The following DENND5B variants were observed in gnomAD, a reference collection of about 807,000 sequenced individuals.
DENND5B encodes the protein DENN domain containing 5B, also known as DENN domain-containing protein 5B.
Under a neutral mutation model 140.6 loss-of-function variants are expected in DENND5B, and 34 were observed. The observed-to-expected ratio is 0.24, with a 90% CI of 0.18 to 0.32. The LOEUF (loss-of-function observed/expected upper bound fraction) is 0.32, where lower values mean the gene tolerates loss of function less well. DENND5B is among the 10% of genes least tolerant of loss of function. DENND5B has a pLI of 1.00. For synonymous variants in DENND5B, 551 were observed against 562.1 expected, an observed-to-expected ratio of 0.98 and a Z score of 0.28; for missense variants, 1,142 against 1,560.2, an observed-to-expected ratio of 0.73 and a Z score of 4.52.
chr12:31,559,575 G>A (rs1231717967), intron 1 of DENND5B, among the ~76,000 whole-genome samples: 2 of 152,050 alleles, frequency 1.3e-5, no homozygotes, highest in Non-Finnish European at 2.9e-5. Flanking sequence ...ATTAACATTA[G>A]GAAAGTTTTG....
At chr12:31,492,896 G>A (rs976186567) in intron 2 of DENND5B, among the ~76,000 whole-genome samples, 2 of 152,176 alleles carry the variant, frequency 1.3e-5, no homozygotes, top group Non-Finnish European at 2.9e-5. Context: ...CAGCAAAATG[G>A]CATCTCTGAT....
intron 3 of DENND5B, among the ~76,000 whole-genome samples, chr12:31,464,585 G>C (rs1945170474): frequency 6.6e-6 from 1 of 152,094 alleles, no homozygotes; most frequent in Non-Finnish European, 1.5e-5. Context: ...TTTGGAGACA[G>C]GGTCTCACTC....
chr12:31,528,444 T>C (rs1371195096), intron 1 of DENND5B, among the ~76,000 whole-genome samples: 2 of 152,208 alleles, frequency 1.3e-5, no homozygotes, highest in African/African-American at 2.4e-5. Context: ...ATATTTTTTT[T>C]CCAAATAATG....
intron 1 of DENND5B, among the ~76,000 whole-genome samples, chr12:31,554,868 C>A (rs1949215391): frequency 6.6e-6 from 1 of 152,230 alleles, no homozygotes; most frequent in African/African-American, 2.4e-5. Flanking sequence ...GAGGCTTCTG[C>A]ATTCGTCACG....
intron 16 of DENND5B, among the ~76,000 whole-genome samples, chr12:31,399,426 A>G (rs1181778714): frequency 1.3e-5 from 2 of 151,482 alleles, no homozygotes; most frequent in African/African-American, 4.8e-5. Context: ...TTACAAGCGT[A>G]CACCACCATG....
At chr12:31,406,178 T>C (rs1942120676) in intron 14 of DENND5B, among the ~76,000 whole-genome samples, 1 of 152,042 alleles carries the variant, frequency 6.6e-6, no homozygotes, top group Non-Finnish European at 1.5e-5. Context: ...GAATCAATAT[T>C]TGTTGTTATC....
At chr12:31,475,332 G>A (rs969623003) in intron 3 of DENND5B, among the ~76,000 whole-genome samples, 3 of 135,152 alleles carry the variant, frequency 2.2e-5, no homozygotes, top group Admixed American at 1.7e-4. Flanking sequence ...TGTTGTTCTC[G>A]GCATACAGAT....
At chr12:31,549,793 G>T (rs1453790877) in intron 1 of DENND5B, among the ~76,000 whole-genome samples, 1 of 152,060 alleles carries the variant, frequency 6.6e-6, no homozygotes, top group African/African-American at 2.4e-5. Flanking sequence ...GTGAGAATAT[G>T]CAGTGTTTGG....
chr12:31,584,236 C>T (rs574908713), intron 1 of DENND5B, among the ~76,000 whole-genome samples: 1 of 152,280 alleles, frequency 6.6e-6, no homozygotes, highest in African/African-American at 2.4e-5. Context: ...GTCCCCTTTT[C>T]TTTCCCTTTC....
intron 1 of DENND5B, among the ~76,000 whole-genome samples, chr12:31,562,683 T>C (rs925009437): frequency 1.3e-5 from 2 of 152,190 alleles, no homozygotes; most frequent in Non-Finnish European, 1.5e-5. Context: ...TGTGTAATGA[T>C]AGCAGTTTTG....
At chr12:31,572,358 T>C (rs1949855503) in intron 1 of DENND5B, among the ~76,000 whole-genome samples, 2 of 152,208 alleles carry the variant, frequency 1.3e-5, no homozygotes, top group South Asian at 4.1e-4. Flanking sequence ...ACAGCTTCAT[T>C]GTTACAAATC....
At chr12:31,482,276 T>G (rs1354744190) in intron 2 of DENND5B, among the ~76,000 whole-genome samples, 11 of 152,160 alleles carry the variant, frequency 7.2e-5, no homozygotes, top group Admixed American at 7.2e-4. Flanking sequence ...AACTCCCAAA[T>G]CTACAATCTC....
intron 1 of DENND5B, among the ~76,000 whole-genome samples, chr12:31,550,556 T>G (rs1414180014): frequency 6.6e-6 from 1 of 152,070 alleles, no homozygotes; most frequent in Non-Finnish European, 1.5e-5. Flanking sequence ...GCAGCATGAT[T>G]TATAATCCTT....
intron 14 of DENND5B, among the ~76,000 whole-genome samples, chr12:31,403,792 A>G (rs1223003400): frequency 6.8e-6 from 1 of 146,156 alleles, no homozygotes; most frequent in African/African-American, 2.5e-5. Flanking sequence ...GCTACTCAGG[A>G]GGCTGAGGCA....
chr12:31,448,839 G>A (rs111358212), intron 5 of DENND5B, among the ~76,000 whole-genome samples: 3 of 147,416 alleles, frequency 2.0e-5, no homozygotes, highest in East Asian at 3.9e-4. Context: ...TAGTGAAACC[G>A]CATTTCCAAA....
At chr12:31,409,424 A>AC in intron 13 of DENND5B, 40 bp from the exon 14 acceptor site, 7 of 1,431,616 alleles carry the variant, frequency 4.9e-6, no homozygotes, top group Non-Finnish European at 4.6e-6. Flanking sequence ...GTAGTATCAA[A>AC]GAAAAAAAAA....
At chr12:31,526,099 G>A (rs983794608) in intron 1 of DENND5B, among the ~76,000 whole-genome samples, 2 of 152,064 alleles carry the variant, frequency 1.3e-5, no homozygotes, top group African/African-American at 4.8e-5. Flanking sequence ...TTTCCTCTGT[G>A]CTGTCAAACC....
intron 11 of DENND5B, among the ~76,000 whole-genome samples, chr12:31,421,231 G>C (rs1423248212): frequency 6.6e-6 from 1 of 151,924 alleles, no homozygotes; most frequent in African/African-American, 2.4e-5. Context: ...TTTTAGTAGA[G>C]AGTGGGTTTC....
intron 3 of DENND5B, among the ~76,000 whole-genome samples, chr12:31,463,227 C>G (rs1945102198): frequency 1.3e-5 from 2 of 152,194 alleles, no homozygotes; most frequent in South Asian, 4.1e-4. Context: ...CCACTGCACT[C>G]CAGGCCTGGG....
Sources: gnomAD v4.1 joint callset for allele counts (sites outside exome capture counted in the v4.1 genomes callset) on GRCh38, gnomAD v4.1.1 for gene constraint, MANE v1.5 for transcripts, NCBI Gene and HGNC (gene_info 2026-07-23, HGNC 2026-07-21) for gene names.